Variants in ADAT2 observed in about 807,000 individuals in gnomAD.
ADAT2 encodes tRNA-specific adenosine-34 deaminase catalytic subunit ADAT2.
In ADAT2, 26 loss-of-function variants were observed where a neutral mutation model predicts 25.9. The ratio of observed to expected loss-of-function variants is 1.00; its 90% CI spans 0.74 to 1.39. The LOEUF is 1.39. Ranked by LOEUF, ADAT2 falls within the 40% of genes most tolerant of loss-of-function variation. ADAT2 has a pLI of 0.00. For missense variants in ADAT2, 220 were observed against 244.8 expected (o/e 0.90, Z 0.68); for synonymous variants, 76 against 86.8 (o/e 0.88, Z 0.69).
At chr6:143,435,461 T>C (rs1779244527) in intron 2 of ADAT2, among the ~76,000 whole-genome samples, 1 of 152,162 alleles carries the variant, frequency 6.6e-6, no homozygotes, top group Non-Finnish European at 1.5e-5. Context: ...TATAGAGTAA[T>C]CTTCTTTATG....
chr6:143,444,600 G>C lies in ADAT2; in HGVS notation c.97-5906C>G, dbSNP rs1306484935. ...GTCTGAAATTTGTGCAGGTAGCTTT[G>C]AATTTAACCTTTCTTGCCTTTTTTA... On this transcript the variant is annotated intron_variant, in intron 1 of 5. Coordinates refer to ENST00000237283, the MANE Select transcript of ADAT2 (RefSeq NM_182503.3). The surrounding 1 kb of genome is among the most constrained non-coding windows in gnomAD (Gnocchi z 4.3). 1.3e-5 allele frequency: 2 copies of C among 155,010 alleles called. No individual in the cohort carries two copies. Among genetic ancestry groups the C allele is most frequent in the African/African-American group, 4.8e-5 (2 of 41,460 alleles). The allele number at this position is 155,010 out of a possible 1,614,324, so 9.6% of individuals were successfully genotyped here.
At chr6:143,430,779 A>C (rs1583972021) in intron 4 of ADAT2, among the ~76,000 whole-genome samples, 1 of 152,116 alleles carries the variant, frequency 6.6e-6, no homozygotes, top group East Asian at 1.9e-4. Context: ...GTTAGCCAGG[A>C]TGGTCTCGAT....
At position 143,424,858 on chromosome 6, in the gene ADAT2, T is replaced by C. The variant is rs934632575; in HGVS notation, c.*3605A>G. 1 of 152,228 alleles carries C rather than the reference T, an allele frequency of 6.6e-6. No homozygotes were observed. Among genetic ancestry groups the C allele is most frequent in the Non-Finnish European group, 1.5e-5 (1 of 68,050 alleles). 9.4% of individuals were successfully genotyped at this position (152,228 alleles called of 1,614,324 possible). ...TCCTCTCCTTTCCATCAGTGTCAAA[T>C]ACATTTTCTGTTTAAAATGTAACAG... On this transcript the variant is annotated 3_prime_UTR_variant, in exon 6 of 6. Coordinates refer to ENST00000237283, the MANE Select transcript of ADAT2 (RefSeq NM_182503.3). The surrounding 1 kb of genome is among the most constrained non-coding windows in gnomAD (Gnocchi z 4.8).
intron 2 of ADAT2, among the ~76,000 whole-genome samples, chr6:143,435,433 G>A (rs1451370196): frequency 2.6e-5 from 4 of 152,154 alleles, no homozygotes; most frequent in African/African-American, 9.7e-5. Flanking sequence ...GGGGTCAAGA[G>A]TCTTTCTATG....
chr6:143,430,471 C>T (rs1278912455), intron 4 of ADAT2, among the ~76,000 whole-genome samples: 1 of 152,114 alleles, frequency 6.6e-6, no homozygotes, highest in Admixed American at 6.5e-5. Context: ...AAGGAAACTG[C>T]ACCGCCCTAA....
intron 2 of ADAT2, 85 bp downstream of exon 2, chr6:143,438,505 T>C (rs1779360235): frequency 9.5e-7 from 1 of 1,054,264 alleles, no homozygotes; most frequent in Admixed American, 1.9e-5. Context: ...ATATTCAGTC[T>C]CACCTTCACA....
Position 143,437,160 on chromosome 6 carries a change from T to C in ADAT2, c.201+1430A>G. Among the ~76,000 whole-genome samples, 1 of 152,218 alleles carries C rather than the reference T, an allele frequency of 6.6e-6. No individual in the cohort carries two copies. Among genetic ancestry groups the C allele is most frequent in the East Asian group, 1.9e-4 (1 of 5,198 alleles). ...AAATCTGAATTGTCCAACTACTTTG[T>C]CGGAACAGTTCCTATTGATTGGAAC... On this transcript the variant is annotated intron_variant, in intron 2 of 5. Transcript: ENST00000237283. The surrounding 1 kb of genome is among the most constrained non-coding windows in gnomAD (Gnocchi z 4.1).
In ADAT2 at chr6:143,423,814, G is replaced by C. The variant is rs918904940; in HGVS notation, c.*4649C>G. 1.3e-5 allele frequency: 2 copies of C among 152,188 alleles called. No individual in the cohort carries two copies. The highest frequency in any genetic ancestry group is 2.9e-5 in the Non-Finnish European group (2 of 68,040). The allele number at this position is 152,188 out of a possible 1,614,324, so 9.4% of individuals were successfully genotyped here. ...GATGAGAAATTTCATAGATATTGGG[G>C]ATGTGGGATTCTCTCTAAACTAGCT... On this transcript the variant is annotated 3_prime_UTR_variant, in exon 6 of 6. Transcript: ENST00000237283.
intron 1 of ADAT2, among the ~76,000 whole-genome samples, chr6:143,448,893 T>C (rs988423693): frequency 6.6e-6 from 1 of 152,172 alleles, no homozygotes; most frequent in Non-Finnish European, 1.5e-5. Context: ...AAGAAATATA[T>C]TCATAGCCTT....
chr6:143,438,749 T>C, intron 1 of ADAT2, 55 bp from the exon 2 acceptor site: 1 of 1,433,690 alleles, frequency 7.0e-7, no homozygotes, highest in Non-Finnish European at 9.8e-7. Flanking sequence ...GAAGAGAGTA[T>C]AGGAGAGAAA....
chr6:143,441,405 A>G (rs989624235), intron 1 of ADAT2: 1 of 152,190 alleles, frequency 6.6e-6, no homozygotes, highest in Non-Finnish European at 1.5e-5. Flanking sequence ...GAGGCTGGGT[A>G]GTTTATAAAG....
chr6:143,430,857 A>ATG (rs1779093673), intron 4 of ADAT2, among the ~76,000 whole-genome samples: 1 of 152,158 alleles, frequency 6.6e-6, no homozygotes, highest in Non-Finnish European at 1.5e-5. Flanking sequence ...GAGCCACTGC[A>ATG]CCCAGCCATA....
At chr6:143,430,560 A>G (rs1299676134) in intron 4 of ADAT2, among the ~76,000 whole-genome samples, 2 of 143,750 alleles carry the variant, frequency 1.4e-5, no homozygotes, top group African/African-American at 5.2e-5. Context: ...AAAAGCAAAC[A>G]TTCATAATAA....
rs189688695 is a variant in ADAT2, at chr6:143,438,424, A to C, written c.201+166T>G. ...AAAATCAACATGTATCACTTTCAAA[A>C]TCAGGAAGAAAATGATACTGAAAAA... On this transcript the variant is annotated intron_variant, in intron 2 of 5. Coordinates refer to ENST00000237283, the MANE Select transcript of ADAT2 (RefSeq NM_182503.3). 2.6e-5 allele frequency among the ~76,000 whole-genome samples: 4 copies of C among 152,310 alleles called. No homozygotes were observed. In the East Asian group the frequency reaches 7.7e-4, roughly 29 times the overall value.
chr6:143,426,295 A>G lies in ADAT2; in HGVS notation c.*2168T>C, dbSNP rs1778932387. ...AGCTGAATGACCTCAACATATATCC[A>G]TAATTCCTCACTGTCACTTGGAAAT... On this transcript the variant is annotated 3_prime_UTR_variant, in exon 6 of 6. Coordinates refer to ENST00000237283, the MANE Select transcript of ADAT2 (RefSeq NM_182503.3). This position sits in a 1 kb window ranked among gnomAD's most constrained non-coding sequence, Gnocchi z 4.1. 2 of 152,236 alleles carry G rather than the reference A, an allele frequency of 1.3e-5. No individual in the cohort carries two copies. Among genetic ancestry groups the G allele is most frequent in the South Asian group, 2.1e-4 (1 of 4,834 alleles). The allele number at this position is 152,236 out of a possible 1,614,324, so 9.4% of individuals were successfully genotyped here.
intron 2 of ADAT2, among the ~76,000 whole-genome samples, chr6:143,435,309 G>C (rs1203005556): frequency 1.3e-5 from 2 of 152,092 alleles, no homozygotes; most frequent in Non-Finnish European, 2.9e-5. Context: ...AGAAAAAGAA[G>C]CTAAGCAAAG....
rs568943036 is a variant in ADAT2, at chr6:143,444,847, T to A, written c.96+5716A>T. 7.5e-4 allele frequency: 789 copies of A among 1,051,268 alleles called. 3 individuals carry two copies. Among genetic ancestry groups the A allele is most frequent in the Middle Eastern group, 7.1e-3 (25 of 3,536 alleles). The allele number at this position is 1,051,268 out of a possible 1,614,324, so 65.1% of individuals were successfully genotyped here. On this transcript the variant is annotated intron_variant, in intron 1 of 5. Transcript: ENST00000237283. The surrounding 1 kb of genome is among the most constrained non-coding windows in gnomAD (Gnocchi z 4.3). ...CCTAGATGGAAGAGACTTCGTAGTT[T>A]ATTATTTTCTCCAAAGACATTACTA...
At chr6:143,438,844 A>G in intron 1 of ADAT2, 150 bp from the exon 2 acceptor site, 1 of 663,938 alleles carries the variant, frequency 1.5e-6, no homozygotes, top group Non-Finnish European at 2.5e-6. Flanking sequence ...TAGTTCCATT[A>G]CGGTATTTAG....
chr6:143,428,124 G>A lies in ADAT2; in HGVS notation c.*339C>T, dbSNP rs908734067. 1 of 255,572 alleles carries A rather than the reference G, an allele frequency of 3.9e-6. No individual in the cohort carries two copies. The highest frequency in any genetic ancestry group is 8.4e-5 in the East Asian group (1 of 11,972). The allele number at this position is 255,572 out of a possible 1,614,324, so 15.8% of individuals were successfully genotyped here. A position where few individuals can be genotyped will look rare whatever the true frequency, so the allele number is the denominator to read the frequency against. ...GTCCAAACACACTCCAGGTCCCTGGGTCTGGCCACACATTCTCTAAGAAGT... is the reference window on the plus strand; with the variant it reads ...GTCCAAACACACTCCAGGTCCCTGGATCTGGCCACACATTCTCTAAGAAGT... On this transcript the variant is annotated 3_prime_UTR_variant, in exon 6 of 6. Transcript: ENST00000237283. This position sits in a 1 kb window ranked among gnomAD's most constrained non-coding sequence, Gnocchi z 5.0.
Sources: allele counts gnomAD v4.1 joint callset (sites outside exome capture counted in the v4.1 genomes callset), GRCh38; gene constraint gnomAD v4.1.1; non-coding constraint Gnocchi (gnomAD v3.1); transcripts MANE v1.5; gene names NCBI Gene and HGNC (gene_info 2026-07-23, HGNC 2026-07-21).